GPRIN3: variants seen among roughly 807,000 people sequenced by gnomAD.
GPRIN3 encodes the protein G protein-regulated inducer of neurite outgrowth 3.
Under a neutral mutation model 13.7 loss-of-function variants are expected in GPRIN3, and 12 were observed. The ratio of observed to expected loss-of-function variants is 0.87; its 90% CI spans 0.56 to 1.42. The LOEUF (loss-of-function observed/expected upper bound fraction) is 1.42. GPRIN3 is among the 40% of genes most tolerant of loss of function. The pLI, the probability that GPRIN3 is intolerant of heterozygous loss-of-function variation, is 0.00. For synonymous variants in GPRIN3, 377 were observed against 372.7 expected, an observed-to-expected ratio of 1.01 and a Z score of -0.13; for missense variants, 1,009 against 958.7, an observed-to-expected ratio of 1.05 and a Z score of -0.69.
In GPRIN3 at chr4:89,236,846, T is replaced by C. The variant is rs1321553274; in HGVS notation, c.*10934A>G. 6.6e-6 allele frequency: 1 copy of C among 152,176 alleles called. No individual in the cohort carries two copies. The highest frequency in any genetic ancestry group is 1.9e-4 in the East Asian group (1 of 5,200). The allele number at this position is 152,176 out of a possible 1,614,324, so 9.4% of individuals were successfully genotyped here. On this transcript the variant is annotated 3_prime_UTR_variant, in exon 2 of 2. Transcript: ENST00000609438. ...CTGTGCATGTATACATTATACCTCCTAAGGTTGAGACATAGATGGAAGTGC... is the reference window on the plus strand; with the variant it reads ...CTGTGCATGTATACATTATACCTCCCAAGGTTGAGACATAGATGGAAGTGC...
intron 1 of GPRIN3, among the ~76,000 whole-genome samples, chr4:89,259,171 T>A (rs1723559361): frequency 6.6e-6 from 1 of 152,174 alleles, no homozygotes; most frequent in South Asian, 2.1e-4. Context: ...TAACACACAA[T>A]AAGCTTTATT....
chr4:89,237,334 C>T lies in GPRIN3; in HGVS notation c.*10446G>A, dbSNP rs1436180643. 6.6e-6 allele frequency: 1 copy of T among 152,162 alleles called. No homozygotes were observed. The highest frequency in any genetic ancestry group is 1.5e-5 in the Non-Finnish European group (1 of 68,024). 9.4% of individuals were successfully genotyped at this position (152,162 alleles called of 1,614,324 possible). ...AAGAAAATTTAATAATGGTGGCATT[C>T]AGAAGTTCATTAAGAATGTGTATGC... On this transcript the variant is annotated 3_prime_UTR_variant, in exon 2 of 2. Transcript: ENST00000609438.
At chr4:89,301,906 G>T (rs1427511238) in intron 1 of GPRIN3, among the ~76,000 whole-genome samples, 1 of 152,162 alleles carries the variant, frequency 6.6e-6, no homozygotes, top group Non-Finnish European at 1.5e-5. Context: ...CCAGCCTCCA[G>T]AATTTTTTTA....
chr4:89,275,136 C>CTGTGCGTGTGTGTG (rs1724057945), intron 1 of GPRIN3, among the ~76,000 whole-genome samples: 1 of 149,148 alleles, frequency 6.7e-6, no homozygotes. Context: ...CTAAGTAACT[C>CTGTGCGTGTGTGTG]TGTGTGTGTG....
At chr4:89,298,695 T>C (rs1724809919) in intron 1 of GPRIN3, among the ~76,000 whole-genome samples, 1 of 151,930 alleles carries the variant, frequency 6.6e-6, no homozygotes, top group South Asian at 2.1e-4. Context: ...ATATCTCAAG[T>C]GCTCGATACA....
At chr4:89,297,147 A>T (rs563583388) in intron 1 of GPRIN3, among the ~76,000 whole-genome samples, 4 of 152,314 alleles carry the variant, frequency 2.6e-5, no homozygotes, top group Admixed American at 2.0e-4. Context: ...TAGAATGGGG[A>T]ATTATTAATG....
At chr4:89,293,443 T>C (rs541890957) in intron 1 of GPRIN3, among the ~76,000 whole-genome samples, 67 of 152,282 alleles carry the variant, frequency 4.4e-4, no homozygotes, top group African/African-American at 1.6e-3. Context: ...CAAGTGCAGC[T>C]CACTGACCTC....
Position 89,245,109 on chromosome 4 carries a change from T to G in GPRIN3, c.*2671A>C, listed in dbSNP as rs972350664. On this transcript the variant is annotated 3_prime_UTR_variant, in exon 2 of 2. Transcript: ENST00000609438. The stretch of plus-strand genomic sequence containing the variant: ...TGAAGGAAAATTCTCAAATAAGGTT[T>G]TATTGTGAGAGTAACTTAGGGGAGG... The G allele has an allele frequency of 6.6e-6, 1 of 152,224 alleles. No individual in the cohort carries two copies. Among genetic ancestry groups the G allele is most frequent in the African/African-American group, 2.4e-5 (1 of 41,458 alleles). The allele number at this position is 152,224 out of a possible 1,614,324, so 9.4% of individuals were successfully genotyped here.
rs1330778597 is a variant in GPRIN3, at chr4:89,307,786, C to A, written c.-295G>T. ...GGAGCGAGCTCCGTGCGTTCAGGAACTGAAATTACTATGCCAAGAGCAGAG... is the reference window on the plus strand; with the variant it reads ...GGAGCGAGCTCCGTGCGTTCAGGAAATGAAATTACTATGCCAAGAGCAGAG... On this transcript the variant is annotated 5_prime_UTR_variant, in exon 1 of 2. Coordinates refer to ENST00000609438, the MANE Select transcript of GPRIN3 (RefSeq NM_198281.3). 1 of 152,316 alleles carries A rather than the reference C, an allele frequency of 6.6e-6. No individual in the cohort carries two copies. Among genetic ancestry groups the A allele is most frequent in the African/African-American group, 2.4e-5 (1 of 41,452 alleles). 9.4% of individuals were successfully genotyped at this position (152,316 alleles called of 1,614,324 possible).
At position 89,251,670 on chromosome 4, in the gene GPRIN3, T is replaced by C. The variant is rs575560719; in HGVS notation, c.-123-1437A>G. On this transcript the variant is annotated intron_variant, in intron 1 of 1. Coordinates refer to ENST00000609438, the MANE Select transcript of GPRIN3 (RefSeq NM_198281.3). ...TGGAAGAGATTTCCTCAAGGTATGA[T>C]TGAATGAGAAAAACAAGGTCCAGAA... Among the ~76,000 whole-genome samples the C allele has an allele frequency of 4.6e-5, 7 of 152,284 alleles. No individual in the cohort carries two copies. In the East Asian group the frequency reaches 1.2e-3, roughly 25 times the overall value.
rs1392098338 is a variant in GPRIN3 at position 89,241,848 on chromosome 4, T to A, written c.*5932A>T. 1 of 152,166 alleles carries A rather than the reference T, an allele frequency of 6.6e-6. No individual in the cohort carries two copies. The highest frequency in any genetic ancestry group is 1.9e-4 in the East Asian group (1 of 5,202). 9.4% of individuals were successfully genotyped at this position (152,166 alleles called of 1,614,324 possible). On this transcript the variant is annotated 3_prime_UTR_variant, in exon 2 of 2. Coordinates refer to ENST00000609438, the MANE Select transcript of GPRIN3 (RefSeq NM_198281.3). Reference sequence around the variant, plus strand: ...TCTACACACAGCCTTTACATGTTATTAAAAGCAATGATATGAATCAGAAAA... The same window carrying A: ...TCTACACACAGCCTTTACATGTTATAAAAAGCAATGATATGAATCAGAAAA...
rs1722831310 is a variant in GPRIN3 at position 89,238,107 on chromosome 4, TG to T, written c.*9672del. On this transcript the variant is annotated 3_prime_UTR_variant, in exon 2 of 2. Transcript: ENST00000609438. The stretch of plus-strand genomic sequence containing the variant: ...AGGGCACCATTTTAGGTTAAAATAG[TG>T]TGCATTTATACACACACACACACAC... The T allele has an allele frequency of 8.3e-6, 1 of 120,442 alleles. No homozygotes were observed. The highest frequency in any genetic ancestry group is 1.7e-5 in the Non-Finnish European group (1 of 59,494). 7.5% of individuals were successfully genotyped at this position (120,442 alleles called of 1,614,324 possible). A position where few individuals can be genotyped will look rare whatever the true frequency, so the allele number is the denominator to read the frequency against.
At chr4:89,296,868 G>T (rs7670752) in intron 1 of GPRIN3, among the ~76,000 whole-genome samples, 93,202 of 152,044 alleles carry the variant, frequency 0.61, 28,850 homozygotes, top group Non-Finnish European at 0.65. Context: ...CTCACCCTGT[G>T]TTTTTTTAAA....
intron 1 of GPRIN3, among the ~76,000 whole-genome samples, chr4:89,302,790 C>T (rs573138419): frequency 3.3e-5 from 5 of 152,102 alleles, no homozygotes; most frequent in Admixed American, 6.5e-5. Context: ...TTGACTCTTA[C>T]GTGCAAAAAG....
chr4:89,300,258 T>C (rs1181875068), intron 1 of GPRIN3, among the ~76,000 whole-genome samples: 3 of 152,126 alleles, frequency 2.0e-5, no homozygotes, highest in Non-Finnish European at 4.4e-5. Flanking sequence ...GTCCAGACTT[T>C]ACAGACTCAA....
intron 1 of GPRIN3, among the ~76,000 whole-genome samples, chr4:89,284,315 T>C (rs919661851): frequency 3.3e-5 from 5 of 152,198 alleles, no homozygotes; most frequent in Non-Finnish European, 7.4e-5. Flanking sequence ...TACTGTCCCT[T>C]ACCTTCTGGA....
chr4:89,254,123 A>T (rs1723403470), intron 1 of GPRIN3, among the ~76,000 whole-genome samples: 1 of 62,722 alleles, frequency 1.6e-5, no homozygotes, highest in East Asian at 4.9e-4. Flanking sequence ...GGTGTGTTGC[A>T]TCTGGGTGTG....
Position 89,247,972 on chromosome 4 carries a change from C to T in GPRIN3, c.2139G>A (p.Leu713=). The change falls in exon 2 of 2, where the codon TTG becomes TTA. Residue 713 remains leucine (L), a synonymous_variant. Transcript: ENST00000609438. ...ESLGIAIQNH[L]QRQIREHEKL... is the part of the protein sequence containing the mutation. ...TCTCATGTTCCCTGATTTGTCTTTG[C>T]AAATGGTTCTGGATCGCGATTCCCA... 6.2e-7 allele frequency: 1 copy of T among 1,614,176 alleles called. No individual in the cohort carries two copies. The highest frequency in any genetic ancestry group is 8.5e-7 in the Non-Finnish European group (1 of 1,180,022).
intron 1 of GPRIN3, among the ~76,000 whole-genome samples, chr4:89,276,625 T>C (rs1217076561): frequency 2.0e-5 from 3 of 152,340 alleles, no homozygotes; most frequent in Admixed American, 6.5e-5. Flanking sequence ...AAGAAGAAGA[T>C]AATGTGAGTG....
Sources: gnomAD v4.1 joint callset for allele counts (sites outside exome capture counted in the v4.1 genomes callset) on GRCh38, gnomAD v4.1.1 for gene constraint, MANE v1.5 for transcripts, NCBI Gene and HGNC (gene_info 2026-07-23, HGNC 2026-07-21) for gene names.